ARID5B: variants seen among roughly 807,000 people sequenced by gnomAD.
ARID5B encodes the protein AT-rich interactive domain-containing protein 5B.
A neutral mutation model predicts 97.2 loss-of-function variants in ARID5B; 13 were observed. The observed-to-expected ratio is 0.13, with a 90% confidence interval of 0.09 to 0.21. The LOEUF (loss-of-function observed/expected upper bound fraction) is 0.21. Ranked by LOEUF, ARID5B falls within the 10% of genes least tolerant of loss-of-function variation. The pLI, the probability that ARID5B is intolerant of heterozygous loss-of-function variation, is 1.00. For missense variants in ARID5B, 1,210 were observed against 1,465.3 expected, an observed-to-expected ratio of 0.83 and a Z score of 2.84; for synonymous variants, 556 against 570.3, an observed-to-expected ratio of 0.97 and a Z score of 0.36.
chr10:61,914,153 C>T (rs1040238342), intron 2 of ARID5B, among the ~76,000 whole-genome samples: 3 of 152,166 alleles, frequency 2.0e-5, no homozygotes, highest in African/African-American at 7.2e-5. Flanking sequence ...TATAATTTTT[C>T]CTGAAGCCAG....
intron 4 of ARID5B, chr10:62,049,588 G>A: frequency 6.9e-7 from 1 of 1,458,038 alleles, no homozygotes; most frequent in Non-Finnish European, 9.4e-7. Context: ...GCGTTTAGGG[G>A]AATGAGAGGA....
At chr10:61,930,704 A>G (rs1589223563) in intron 2 of ARID5B, among the ~76,000 whole-genome samples, 2 of 147,290 alleles carry the variant, frequency 1.4e-5, no homozygotes, top group African/African-American at 5.0e-5. Context: ...TGGGCGACAG[A>G]GCGAGACTCC....
intron 2 of ARID5B, among the ~76,000 whole-genome samples, chr10:61,924,035 G>A (rs1284262784): frequency 1.3e-5 from 2 of 152,240 alleles, no homozygotes; most frequent in East Asian, 3.8e-4. Context: ...GTTTTGTCAG[G>A]ATGCCTAGTA....
intron 8 of ARID5B, among the ~76,000 whole-genome samples, chr10:62,084,309 T>G (rs865795684): frequency 6.6e-6 from 1 of 152,242 alleles, no homozygotes; most frequent in Non-Finnish European, 1.5e-5. Flanking sequence ...TGTCCCCACA[T>G]CCGTACTGTC....
intron 2 of ARID5B, among the ~76,000 whole-genome samples, chr10:61,919,642 A>G (rs7916099): frequency 0.013 from 2,034 of 152,342 alleles, 32 homozygotes; most frequent in African/African-American, 0.04. Context: ...CAAAATATAT[A>G]GGTTATAAAT....
intron 4 of ARID5B, among the ~76,000 whole-genome samples, chr10:62,033,682 C>T (rs566545278): frequency 3.9e-5 from 6 of 152,222 alleles, no homozygotes; most frequent in African/African-American, 9.6e-5. Context: ...TCCACGTGTC[C>T]GTGCATATAA....
chr10:61,933,184 T>C (rs766741804), intron 2 of ARID5B, among the ~76,000 whole-genome samples: 7 of 152,250 alleles, frequency 4.6e-5, no homozygotes, highest in Non-Finnish European at 1.0e-4. Context: ...TAGCTCCTCT[T>C]CATCTGTTCA....
At chr10:62,077,496 G>A (rs2393728) in intron 8 of ARID5B, among the ~76,000 whole-genome samples, 50,734 of 151,906 alleles carry the variant, frequency 0.33, 9,290 homozygotes, top group Non-Finnish European at 0.41. Context: ...ATGTCATGCT[G>A]TAAACTACAG....
intron 3 of ARID5B, among the ~76,000 whole-genome samples, chr10:61,976,645 C>T (rs748671374): frequency 5.3e-5 from 8 of 152,102 alleles, no homozygotes; most frequent in Non-Finnish European, 1.2e-4. Context: ...ATGGTGGTGC[C>T]GCTGAAACTC....
chr10:62,008,567 C>T (rs574822504), intron 4 of ARID5B, among the ~76,000 whole-genome samples: 2 of 152,350 alleles, frequency 1.3e-5, no homozygotes, highest in South Asian at 4.1e-4. Flanking sequence ...CTGAAACCCA[C>T]TGGACTGGAA....
At chr10:62,067,224 A>G (rs1256787734) in intron 7 of ARID5B, among the ~76,000 whole-genome samples, 3 of 152,132 alleles carry the variant, frequency 2.0e-5, no homozygotes, top group East Asian at 1.9e-4. Context: ...AGCTGGGATT[A>G]CAGGCATGCG....
At chr10:62,007,526 G>A (rs191358746) in intron 4 of ARID5B, among the ~76,000 whole-genome samples, 3 of 152,252 alleles carry the variant, frequency 2.0e-5, no homozygotes, top group Admixed American at 1.3e-4. Flanking sequence ...CACAGGTATT[G>A]ACCTCACAGG....
chr10:61,965,205 T>G lies in ARID5B; in HGVS notation c.502+24797T>G, dbSNP rs545878932. ...GGGCAGGGTATTTTTTTTATAGTTTTATGACCCTTGGCCCAGCCTTTATTG... is the reference window on the plus strand; with the variant it reads ...GGGCAGGGTATTTTTTTTATAGTTTGATGACCCTTGGCCCAGCCTTTATTG... On this transcript the variant is annotated intron_variant, in intron 3 of 9. Transcript: ENST00000279873. 2.6e-5 allele frequency among the ~76,000 whole-genome samples: 4 copies of G among 152,342 alleles called. No homozygotes were observed. The South Asian group carries it at 8.3e-4, about 32-fold the overall frequency.
intron 3 of ARID5B, among the ~76,000 whole-genome samples, chr10:61,955,539 AT>A (rs1838380390): frequency 6.6e-6 from 1 of 152,256 alleles, no homozygotes; most frequent in Non-Finnish European, 1.5e-5. Context: ...TCATAGGATA[AT>A]AAAATCTCAG....
chr10:61,966,557 A>C (rs916448363), intron 3 of ARID5B, among the ~76,000 whole-genome samples: 1 of 152,132 alleles, frequency 6.6e-6, no homozygotes, highest in Admixed American at 6.5e-5. Flanking sequence ...GAATTTTAGA[A>C]AATTCTTTGT....
At chr10:62,042,826 G>A (rs1839656323) in intron 4 of ARID5B, among the ~76,000 whole-genome samples, 1 of 151,316 alleles carries the variant, frequency 6.6e-6, no homozygotes, top group Non-Finnish European at 1.5e-5. Flanking sequence ...GAGGCAGGAG[G>A]ATGGTGTGAA....
intron 2 of ARID5B, among the ~76,000 whole-genome samples, chr10:61,929,005 C>A (rs1391150179): frequency 6.6e-6 from 1 of 152,088 alleles, no homozygotes; most frequent in African/African-American, 2.4e-5. Flanking sequence ...TTCCCCCTAC[C>A]CGTCTCCATT....
rs76110656 is a variant in ARID5B at position 62,054,436 on chromosome 10, T to C, written c.847-2681T>C. Among the ~76,000 whole-genome samples, 822 of 152,104 alleles carry C rather than the reference T, an allele frequency of 5.4e-3. 8 individuals carry two copies. The highest frequency in any genetic ancestry group is 0.019 in the African/African-American group (791 of 41,516). On this transcript the variant is annotated intron_variant, in intron 5 of 9. Transcript: ENST00000279873. ...GCTAGAACAAGAAAAGAAGCTTCTGTTTACTTGTTCACTTCTTACTAAGTA... is the reference window on the plus strand; with the variant it reads ...GCTAGAACAAGAAAAGAAGCTTCTGCTTACTTGTTCACTTCTTACTAAGTA...
chr10:61,915,054 G>C (rs1015535836), intron 2 of ARID5B, among the ~76,000 whole-genome samples: 1 of 152,162 alleles, frequency 6.6e-6, no homozygotes, highest in African/African-American at 2.4e-5. Context: ...CTTCTTTCCT[G>C]CTCTTTAGGG....
Sources: gnomAD v4.1 joint callset for allele counts (sites outside exome capture counted in the v4.1 genomes callset) on GRCh38, gnomAD v4.1.1 for gene constraint, MANE v1.5 for transcripts, NCBI Gene and HGNC (gene_info 2026-07-23, HGNC 2026-07-21) for gene names.